E2F6: variants seen among roughly 807,000 people sequenced by gnomAD.
E2F6 encodes the protein E2F transcription factor 6.
Under a neutral mutation model 31.5 loss-of-function variants are expected in E2F6, and 19 were observed. The observed-to-expected ratio is 0.60, with a 90% CI of 0.42 to 0.89. The LOEUF is 0.89. Among genes scored for constraint, E2F6 ranks in the 40% least tolerant of loss-of-function variants. E2F6 has a pLI of 0.00. For synonymous variants in E2F6, 121 were observed against 127.7 expected (o/e 0.95, Z 0.36); for missense variants, 269 against 341.6 (o/e 0.79, Z 1.67).
rs751930355 is a variant in E2F6 at position 11,453,680 on chromosome 2, C to T, written c.282G>A (p.Thr94=). 3 of 1,614,128 alleles carry T rather than the reference C, an allele frequency of 1.9e-6. No individual in the cohort carries two copies. Among genetic ancestry groups the T allele is most frequent in the Non-Finnish European group, 1.7e-6 (2 of 1,180,030 alleles). ...CTCTCCGCTTTCGGACTCCCAGTTTCGTTGCAACCTTGTTTAAGTCAAGAA... is the reference window on the plus strand; with the variant it reads ...CTCTCCGCTTTCGGACTCCCAGTTTTGTTGCAACCTTGTTTAAGTCAAGAA... ...GGILDLNKVA[T]KLGVRKRRVY... is the part of the protein sequence containing the mutation. The change falls in exon 3 of 7, where the codon ACG becomes ACA. Residue 94 remains threonine, a synonymous_variant. Transcript: ENST00000381525.
At chr2:11,465,178 C>CAAAAAAA (rs59561027) in intron 1 of E2F6, among the ~76,000 whole-genome samples, 1 of 88,598 alleles carries the variant, frequency 1.1e-5, no homozygotes, top group Non-Finnish European at 2.1e-5. Context: ...AACTCAATCT[C>CAAAAAAA]AAAAAAAAAA....
In E2F6 at chr2:11,455,234, T is replaced by C. The variant is rs963546723; in HGVS notation, c.164-1436A>G. 3.3e-6 allele frequency: 3 copies of C among 908,248 alleles called. No homozygotes were observed. The African/African-American group carries it at 5.4e-5, about 16-fold the overall frequency. 56.3% of individuals were successfully genotyped at this position (908,248 alleles called of 1,614,324 possible). Reference sequence around the variant, plus strand: ...CTTATGGCTTGGTTTGCAGAAAAAATAATTTCTAAAATAACTTTGTCACTC... The same window carrying C: ...CTTATGGCTTGGTTTGCAGAAAAAACAATTTCTAAAATAACTTTGTCACTC... On this transcript the variant is annotated intron_variant, in intron 2 of 6. Transcript: ENST00000381525.
At chr2:11,454,093 A>G (rs1157259559) in intron 2 of E2F6, among the ~76,000 whole-genome samples, 1 of 152,242 alleles carries the variant, frequency 6.6e-6, no homozygotes, top group Non-Finnish European at 1.5e-5. Flanking sequence ...TCTCGGACAA[A>G]GCAGTGAGAT....
chr2:11,465,643 G>A, intron 1 of E2F6, 129 bp downstream of exon 1: 1 of 883,248 alleles, frequency 1.1e-6, no homozygotes, highest in Non-Finnish European at 1.8e-6. Context: ...CGCAGCACGT[G>A]ATGGGCAGCG....
intron 1 of E2F6, chr2:11,458,161 GT>G: frequency 1.0e-6 from 1 of 989,712 alleles, no homozygotes; most frequent in East Asian, 2.6e-5. Context: ...CTGTCATCAG[GT>G]TTAGCTCTTA....
At chr2:11,452,559 G>A (rs533526937) in intron 3 of E2F6, among the ~76,000 whole-genome samples, 4 of 151,380 alleles carry the variant, frequency 2.6e-5, no homozygotes, top group South Asian at 2.1e-4. Context: ...AGCCGAGATT[G>A]TGCCACTATA....
intron 1 of E2F6, among the ~76,000 whole-genome samples, chr2:11,459,058 T>C (rs1461917454): frequency 2.6e-5 from 4 of 151,846 alleles, no homozygotes; most frequent in Non-Finnish European, 5.9e-5. Context: ...CTGCTAATAG[T>C]ATGAGACGGG....
rs757781629 is a variant in E2F6, at chr2:11,446,564, C to A, written c.800-41G>T. ...AGAGAGAAATACACCTAAGTGAATA[C>A]ACCTAAGTGAAGGTCTGATAGGCAA... On this transcript the variant is annotated intron_variant, in intron 6 of 6. Coordinates refer to ENST00000381525, the MANE Select transcript of E2F6 (RefSeq NM_198256.4). 4.5e-6 allele frequency: 7 copies of A among 1,565,588 alleles called. No individual in the cohort carries two copies. In the East Asian group the frequency reaches 1.6e-4, roughly 35 times the overall value.
intron 1 of E2F6, chr2:11,458,267 G>A: frequency 6.4e-7 from 1 of 1,551,716 alleles, no homozygotes; most frequent in South Asian, 1.2e-5. Context: ...GATACACCCA[G>A]ACAGGGAACT....
At chr2:11,465,750 C>A in intron 1 of E2F6, 22 bp downstream of exon 1, 1 of 1,568,506 alleles carries the variant, frequency 6.4e-7, no homozygotes, top group Admixed American at 1.9e-5. Context: ...ACCGCCCGTC[C>A]CCGTCCCGTC....
rs180877401 is a variant in E2F6 at position 11,447,584 on chromosome 2, G to A, written c.799+43C>T. Reference sequence around the variant, plus strand: ...CCATAATACACATTAATAAAATTATGCATGCTTAATTAAAATACTGTCAGA... The same window carrying A: ...CCATAATACACATTAATAAAATTATACATGCTTAATTAAAATACTGTCAGA... On this transcript the variant is annotated intron_variant, in intron 6 of 6. Coordinates refer to ENST00000381525, the MANE Select transcript of E2F6 (RefSeq NM_198256.4). 1.8e-3 allele frequency: 2,803 copies of A among 1,596,084 alleles called. 3 individuals carry two copies. Among genetic ancestry groups the A allele is most frequent in the Non-Finnish European group, 2.3e-3 (2,673 of 1,171,010 alleles).
chr2:11,462,361 G>C lies in E2F6; in HGVS notation c.108+3411C>G, dbSNP rs555217251. ...TACATGTGATAACATTTAATTTATA[G>C]ATCGGGCATAGTAAGAGATTAACAG... On this transcript the variant is annotated intron_variant, in intron 1 of 6. Coordinates refer to ENST00000381525, the MANE Select transcript of E2F6 (RefSeq NM_198256.4). Among the ~76,000 whole-genome samples the C allele has an allele frequency of 2.0e-5, 3 of 152,224 alleles. No individual in the cohort carries two copies. In the East Asian group the frequency reaches 5.8e-4, roughly 29 times the overall value.
At chr2:11,454,559 C>T (rs1671284083) in intron 2 of E2F6, among the ~76,000 whole-genome samples, 1 of 152,122 alleles carries the variant, frequency 6.6e-6, no homozygotes, top group South Asian at 2.1e-4. Flanking sequence ...ATTGGCCAGG[C>T]TGGTCTTGAA....
Position 11,465,996 on chromosome 2 carries a change from T to C in E2F6, c.-117A>G. The stretch of plus-strand genomic sequence containing the variant: ...TTCCAAGGGCCCAGCACCTAAGGGG[T>C]CCGCGGCTTCCTCCGAGGCGCCGCC... On this transcript the variant is annotated 5_prime_UTR_variant, in exon 1 of 7. Transcript: ENST00000381525. 1 of 911,522 alleles carries C rather than the reference T, an allele frequency of 1.1e-6. No homozygotes were observed. The highest frequency in any genetic ancestry group is 3.3e-5 in the East Asian group (1 of 30,304). The allele number at this position is 911,522 out of a possible 1,614,324, so 56.5% of individuals were successfully genotyped here.
rs1315944930 is a variant in E2F6 at position 11,445,605 on chromosome 2, A to G, written c.*872T>C. 1 of 152,026 alleles carries G rather than the reference A, an allele frequency of 6.6e-6. No homozygotes were observed. Among genetic ancestry groups the G allele is most frequent in the East Asian group, 1.9e-4 (1 of 5,178 alleles). The allele number at this position is 152,026 out of a possible 1,614,324, so 9.4% of individuals were successfully genotyped here. On this transcript the variant is annotated 3_prime_UTR_variant, in exon 7 of 7. Coordinates refer to ENST00000381525, the MANE Select transcript of E2F6 (RefSeq NM_198256.4). Reference sequence around the variant, plus strand: ...AATCTACTTGCAAAAACCTGAAAGGAGTTTCCAATTATCACCATGACTGAA... The same window carrying G: ...AATCTACTTGCAAAAACCTGAAAGGGGTTTCCAATTATCACCATGACTGAA...
rs769513768 is a variant in E2F6 at position 11,447,666 on chromosome 2, A to G, written c.760T>C (p.Ser254Pro). 1.1e-5 allele frequency: 17 copies of G among 1,612,038 alleles called. No homozygotes were observed. Among genetic ancestry groups the G allele is most frequent in the Non-Finnish European group, 1.4e-5 (16 of 1,179,890 alleles). The change falls in exon 6 of 7, where the codon TCT becomes CCT. Residue 254 changes from serine (S) to proline (P), a missense_variant. Physicochemically the swap from Ser to Pro is moderately conservative, Grantham distance 74. Transcript: ENST00000381525. ...SNKRSEGVGT[S>P]SSESTHPEGP... ...TCTGGATGAGTGCTCTCAGATGAAG[A>G]GGTCCCGACACCTTCAGACCTTTTG...
At chr2:11,462,364 C>G (rs189553179) in intron 1 of E2F6, among the ~76,000 whole-genome samples, 133 of 152,154 alleles carry the variant, frequency 8.7e-4, no homozygotes, top group Middle Eastern at 3.4e-3. Context: ...ATTTATAGAT[C>G]GGGCATAGTA....
chr2:11,453,710 C>G lies in E2F6; in HGVS notation c.252G>C (p.Gly84=). The change falls in exon 3 of 7, where the codon GGG becomes GGC. Residue 84 remains glycine, a synonymous_variant. Coordinates refer to ENST00000381525, the MANE Select transcript of E2F6 (RefSeq NM_198256.4). ...KFMDLVRSAP[G]GILDLNKVAT... ...CAACCTTGTTTAAGTCAAGAATACC[C>G]CCGGGAGCAGATCTGACAAGATCCA... is the stretch of plus-strand genomic sequence containing the variant. The G allele has an allele frequency of 6.2e-7, 1 of 1,614,100 alleles. No individual in the cohort carries two copies. The highest frequency in any genetic ancestry group is 1.1e-5 in the South Asian group (1 of 91,078).
chr2:11,445,788 T>C lies in E2F6; in HGVS notation c.*689A>G, dbSNP rs1367074225. The C allele has an allele frequency of 6.6e-6, 1 of 151,734 alleles. No individual in the cohort carries two copies. The highest frequency in any genetic ancestry group is 1.5e-5 in the Non-Finnish European group (1 of 67,912). 9.4% of individuals were successfully genotyped at this position (151,734 alleles called of 1,614,324 possible). ...TCCAATTTTAGCACTGAAAACCATA[T>C]TAAAATACTTTAATTAAATCCACAA... On this transcript the variant is annotated 3_prime_UTR_variant, in exon 7 of 7. Transcript: ENST00000381525.
Sources: allele counts gnomAD v4.1 joint callset (sites outside exome capture counted in the v4.1 genomes callset), GRCh38; gene constraint gnomAD v4.1.1; transcripts MANE v1.5; gene names NCBI Gene and HGNC (gene_info 2026-07-23, HGNC 2026-07-21).